OR3A2: variants seen among roughly 807,000 people sequenced by gnomAD.
The protein encoded by OR3A2 is olfactory receptor family 3 subfamily A member 2, also known as olfactory receptor 3A2.
For missense variants in OR3A2, 318 were observed against 392.8 expected (o/e 0.81, Z 1.61); for synonymous variants, 126 against 159.3 (o/e 0.79, Z 1.57).
intron 3 of OR3A2, among the ~76,000 whole-genome samples, chr17:3,290,525 T>C (rs967218988): frequency 1.3e-5 from 2 of 152,116 alleles, no homozygotes; most frequent in African/African-American, 4.8e-5. Context: ...CTCACCCCCA[T>C]AAAATATTAT....
chr17:3,364,126 T>G (rs767340153), intron 2 of OR3A2, among the ~76,000 whole-genome samples: 6 of 152,174 alleles, frequency 3.9e-5, no homozygotes, highest in Non-Finnish European at 8.8e-5. Context: ...ACAGACAAAG[T>G]GTTAGAATCA....
At chr17:3,288,232 T>A, upstream of OR3A2, among the ~76,000 whole-genome samples, 1 of 26,396 alleles carries the variant, frequency 3.8e-5, no homozygotes, top group African/African-American at 1.3e-4. Context: ...AAAGATAAAC[T>A]ATCACCAAAA....
chr17:3,289,357 G>A (rs562037245), upstream of OR3A2, among the ~76,000 whole-genome samples: 14 of 152,330 alleles, frequency 9.2e-5, no homozygotes, highest in East Asian at 5.8e-4. Flanking sequence ...TAAAGAAACC[G>A]TGTGATCCTG....
chr17:3,371,736 G>A (rs1390674928), intron 2 of OR3A2, among the ~76,000 whole-genome samples: 13 of 141,936 alleles, frequency 9.2e-5, no homozygotes, highest in African/African-American at 1.8e-4. Context: ...GCAGCTGGCC[G>A]GGCAGAGGGA....
At chr17:3,316,307 T>G (rs1205238981) in intron 3 of OR3A2, among the ~76,000 whole-genome samples, 1 of 152,212 alleles carries the variant, frequency 6.6e-6, no homozygotes, top group Non-Finnish European at 1.5e-5. Context: ...ACATTGTGAG[T>G]TCTCAACACA....
rs144445319 is a variant in OR3A2 at position 3,368,815 on chromosome 17, A to G, written c.-179+14989T>C. The stretch of plus-strand genomic sequence containing the variant: ...GGTGAGCATTGCAATGAATTTGTAG[A>G]TTGCTTTTAGTGGTATGGTCATTTT... On this transcript the variant is annotated intron_variant, in intron 2 of 4. Transcript: ENST00000573491. 5.1e-3 allele frequency among the ~76,000 whole-genome samples: 772 copies of G among 152,126 alleles called. 3 individuals carry two copies. The highest frequency in any genetic ancestry group is 0.018 in the African/African-American group (736 of 41,512).
chr17:3,368,555 G>A (rs1275968271), intron 2 of OR3A2, among the ~76,000 whole-genome samples: 1 of 151,968 alleles, frequency 6.6e-6, no homozygotes, highest in Non-Finnish European at 1.5e-5. Context: ...AAATATTTGA[G>A]CTTATTTCTG....
At chr17:3,362,289 TATTTG>T (rs1162064358) in intron 2 of OR3A2, among the ~76,000 whole-genome samples, 3 of 151,652 alleles carry the variant, frequency 2.0e-5, no homozygotes, top group Non-Finnish European at 4.4e-5. Flanking sequence ...TTATGGCATC[TATTTG>T]ATTATTCTCT....
chr17:3,309,886 A>G, intron 3 of OR3A2: 1 of 138,770 alleles, frequency 7.2e-6, no homozygotes, highest in East Asian at 2.4e-4. Context: ...TGTGGGGAGC[A>G]TGCTTTCCTG....
intron 3 of OR3A2, among the ~76,000 whole-genome samples, chr17:3,329,335 T>C (rs1310399316): frequency 1.3e-5 from 2 of 149,962 alleles, no homozygotes; most frequent in Non-Finnish European, 3.0e-5. Flanking sequence ...TGAATCCATC[T>C]GGTCCTGGAC....
chr17:3,371,351 A>T (rs1320990083), intron 2 of OR3A2, among the ~76,000 whole-genome samples: 24 of 140,008 alleles, frequency 1.7e-4, no homozygotes, highest in Admixed American at 6.3e-4. Context: ...CTCCCGGACG[A>T]GGCGGCTGGC....
intron 1 of OR3A2, among the ~76,000 whole-genome samples, chr17:3,283,339 C>A (rs1305971925): frequency 2.0e-5 from 3 of 152,146 alleles, no homozygotes; most frequent in Non-Finnish European, 4.4e-5. Flanking sequence ...GATTCTCCTG[C>A]CTCAGCCTTC....
chr17:3,364,863 T>C (rs955788544), intron 2 of OR3A2, among the ~76,000 whole-genome samples: 2 of 151,978 alleles, frequency 1.3e-5, no homozygotes, highest in Non-Finnish European at 2.9e-5. Flanking sequence ...AGTGGGGAAA[T>C]TATATGTGCA....
chr17:3,302,400 A>G (rs1190952391), intron 3 of OR3A2, among the ~76,000 whole-genome samples: 2 of 152,254 alleles, frequency 1.3e-5, no homozygotes, highest in African/African-American at 4.8e-5. Flanking sequence ...ACAGATATAT[A>G]GACCAATGGA....
At chr17:3,325,617 C>T (rs538471398) in intron 3 of OR3A2, among the ~76,000 whole-genome samples, 14 of 151,872 alleles carry the variant, frequency 9.2e-5, no homozygotes, top group African/African-American at 3.2e-4. Flanking sequence ...TACAGCAGTC[C>T]GTGTTAGTAT....
exon 2 of OR3A2, chr17:3,278,372 A>G (rs752720002): frequency 1.2e-6 from 2 of 1,614,220 alleles, no homozygotes; most frequent in Non-Finnish European, 1.7e-6. Flanking sequence ...GTGGGAGGTC[A>G]CAGTAGAAGT....
chr17:3,276,533 T>A (rs1241589048), downstream of OR3A2, among the ~76,000 whole-genome samples: 2 of 152,216 alleles, frequency 1.3e-5, no homozygotes, highest in African/African-American at 4.8e-5. Context: ...TTCTGAATAA[T>A]TTTTAAAATA....
chr17:3,313,756 T>C (rs2049061030), intron 3 of OR3A2, among the ~76,000 whole-genome samples: 1 of 152,238 alleles, frequency 6.6e-6, no homozygotes. Flanking sequence ...TCCTCCAGCT[T>C]CTTTTATTCT....
At chr17:3,304,367 C>CACGAACTCTGTCTCCTCAG (rs1190796741) in intron 3 of OR3A2, among the ~76,000 whole-genome samples, 2 of 152,210 alleles carry the variant, frequency 1.3e-5, no homozygotes, top group African/African-American at 4.8e-5. Context: ...CGTGCTGCCA[C>CACGAACTCTGTCTCCTCAG]AGCCAGCCTG....
Sources: gnomAD v4.1 joint callset for allele counts (sites outside exome capture counted in the v4.1 genomes callset) on GRCh38, gnomAD v4.1.1 for gene constraint, MANE v1.5 for transcripts, NCBI Gene and HGNC (gene_info 2026-07-23, HGNC 2026-07-21) for gene names.